Variants in CYBRD1 observed in about 807,000 individuals in gnomAD.
CYBRD1 encodes cytochrome b reductase 1.
In CYBRD1, 14 loss-of-function variants were observed where a neutral mutation model predicts 21.9. That is an observed-to-expected ratio of 0.64 (90% CI 0.42 to 1.00). The LOEUF (loss-of-function observed/expected upper bound fraction) is 1.00. Among genes scored for constraint, CYBRD1 ranks in the 50% least tolerant of loss-of-function variants. CYBRD1 has a pLI of 0.00. For synonymous variants in CYBRD1, 146 were observed against 136.5 expected, an observed-to-expected ratio of 1.07 and a Z score of -0.48; for missense variants, 328 against 352.5, an observed-to-expected ratio of 0.93 and a Z score of 0.56.
At chr2:171,523,254 G>A (rs1202924263) in intron 1 of CYBRD1, 5 of 431,466 alleles carry the variant, frequency 1.2e-5, no homozygotes, top group African/African-American at 2.1e-5. Flanking sequence ...GGGGAAGGCA[G>A]CGGGGAAAAG....
chr2:171,541,380 G>C (rs1480663517), intron 1 of CYBRD1, among the ~76,000 whole-genome samples: 2 of 152,170 alleles, frequency 1.3e-5, no homozygotes, highest in Admixed American at 6.5e-5. Flanking sequence ...CAAGTTGGGA[G>C]TGAAGAAAAT....
At chr2:171,535,893 A>T (rs1462459923) in intron 1 of CYBRD1, among the ~76,000 whole-genome samples, 1 of 152,062 alleles carries the variant, frequency 6.6e-6, no homozygotes, top group Non-Finnish European at 1.5e-5. Context: ...ACCCACTTTG[A>T]CTTCCCAAAG....
chr2:171,545,295 AG>A (rs1307737692), intron 2 of CYBRD1, among the ~76,000 whole-genome samples: 39 of 152,044 alleles, frequency 2.6e-4, no homozygotes, highest in African/African-American at 9.2e-4. Flanking sequence ...GTTTGTGCAA[AG>A]GTTTTGTTTT....
chr2:171,550,122 T>C (rs545875095), intron 2 of CYBRD1, among the ~76,000 whole-genome samples: 8 of 152,248 alleles, frequency 5.3e-5, no homozygotes, highest in African/African-American at 1.9e-4. Flanking sequence ...GTTGTTGTTT[T>C]TGTTCTTGAG....
rs558737857 is a variant in CYBRD1, at chr2:171,553,627, A to C, written c.557+127A>C. 1.9e-5 allele frequency: 16 copies of C among 832,498 alleles called. 1 individual carries two copies. The South Asian group carries it at 5.4e-4, about 28-fold the overall frequency. 51.6% of individuals were successfully genotyped at this position (832,498 alleles called of 1,614,324 possible). A position where few individuals can be genotyped will look rare whatever the true frequency, so the allele number is the denominator to read the frequency against. ...ATTAAAATTAAAAAATATTTTAAAG[A>C]ATTTGTTATATCATATAGGTAATAT... On this transcript the variant is annotated intron_variant, in intron 3 of 3. Coordinates refer to ENST00000321348, the MANE Select transcript of CYBRD1 (RefSeq NM_024843.4).
chr2:171,530,829 A>G (rs923324105), intron 1 of CYBRD1, among the ~76,000 whole-genome samples: 7 of 152,196 alleles, frequency 4.6e-5, no homozygotes, highest in African/African-American at 1.7e-4. Context: ...TTCTGACTTG[A>G]CTTTGCAAGG....
Position 171,554,672 on chromosome 2 carries a change from C to T in CYBRD1, c.706C>T (p.His236Tyr), listed in dbSNP as rs773902943. 3 of 1,614,074 alleles carry T rather than the reference C, an allele frequency of 1.9e-6. No homozygotes were observed. Among genetic ancestry groups the T allele is most frequent in the South Asian group, 1.1e-5 (1 of 91,086 alleles). ...TAAGGAGCCAAATTCTACCATTCTT[C>T]ATCCAAATGGAGGCACTGAACAGGG... ...RPKEPNSTIL[H>Y]PNGGTEQGAR... The change falls in exon 4 of 4, where the codon CAT (histidine) becomes TAT (tyrosine). Residue 236 changes from histidine to tyrosine, a missense_variant. Physicochemically the swap from His to Tyr is moderately conservative, Grantham distance 83. Coordinates refer to ENST00000321348, the MANE Select transcript of CYBRD1 (RefSeq NM_024843.4).
intron 2 of CYBRD1, among the ~76,000 whole-genome samples, chr2:171,544,376 C>T (rs1697679912): frequency 6.6e-6 from 1 of 151,916 alleles, no homozygotes; most frequent in Non-Finnish European, 1.5e-5. Flanking sequence ...TCATCTTTTC[C>T]TCTGAGACTA....
chr2:171,533,806 C>T (rs1240996856), intron 1 of CYBRD1, among the ~76,000 whole-genome samples: 17 of 140,720 alleles, frequency 1.2e-4, no homozygotes, highest in African/African-American at 4.5e-4. Flanking sequence ...AACTCCAGCT[C>T]TGTTGCCCAG....
chr2:171,543,629 TTAAA>T (rs1697668959), intron 2 of CYBRD1, among the ~76,000 whole-genome samples: 1 of 152,222 alleles, frequency 6.6e-6, no homozygotes, highest in Admixed American at 6.5e-5. Context: ...AGATGTTTAA[TTAAA>T]TAATATTGAT....
intron 2 of CYBRD1, among the ~76,000 whole-genome samples, chr2:171,551,436 C>G (rs1683374523): frequency 6.6e-6 from 1 of 151,856 alleles, no homozygotes; most frequent in Non-Finnish European, 1.5e-5. Context: ...GCAAACCAAC[C>G]TATCAAATGC....
chr2:171,542,945 T>C (rs766449174), intron 2 of CYBRD1, among the ~76,000 whole-genome samples: 28 of 152,182 alleles, frequency 1.8e-4, no homozygotes, highest in Non-Finnish European at 3.5e-4. Flanking sequence ...GAATATAGGC[T>C]TAAATGCTTT....
chr2:171,523,544 A>G (rs533211384), intron 1 of CYBRD1, among the ~76,000 whole-genome samples: 1 of 152,262 alleles, frequency 6.6e-6, no homozygotes, highest in South Asian at 2.1e-4. Flanking sequence ...CGGGTGGGAG[A>G]TGCCCGGAGA....
At chr2:171,541,169 C>T (rs150189769) in intron 1 of CYBRD1, 6 of 217,096 alleles carry the variant, frequency 2.8e-5, no homozygotes, top group South Asian at 7.6e-5. Flanking sequence ...AAGCAAACGC[C>T]GTACGGAAAT....
chr2:171,525,980 G>A (rs1697380293), intron 1 of CYBRD1, among the ~76,000 whole-genome samples: 1 of 146,376 alleles, frequency 6.8e-6, no homozygotes, highest in South Asian at 2.2e-4. Context: ...AAAGAAGTAG[G>A]CTCTGGCCGG....
rs969032146 is a variant in CYBRD1 at position 171,556,021 on chromosome 2, A to T, written c.*1194A>T. ...CTGTTTGCTGTGGCAGATTCCCCAG[A>T]TAACCAAGGAAAAGGGGCCACCCAT... On this transcript the variant is annotated 3_prime_UTR_variant, in exon 4 of 4. Coordinates refer to ENST00000321348, the MANE Select transcript of CYBRD1 (RefSeq NM_024843.4). 2 of 152,224 alleles carry T rather than the reference A, an allele frequency of 1.3e-5. No homozygotes were observed. The highest frequency in any genetic ancestry group is 2.9e-5 in the Non-Finnish European group (2 of 68,046). 9.4% of individuals were successfully genotyped at this position (152,224 alleles called of 1,614,324 possible). A position where few individuals can be genotyped will look rare whatever the true frequency, so the allele number is the denominator to read the frequency against.
At chr2:171,528,704 ATC>A (rs1382098647) in intron 1 of CYBRD1, among the ~76,000 whole-genome samples, 1 of 152,210 alleles carries the variant, frequency 6.6e-6, no homozygotes, top group Non-Finnish European at 1.5e-5. Flanking sequence ...AAATCCAAAT[ATC>A]TGTTTGCCTA....
At chr2:171,553,754 T>A (rs1470933534) in intron 3 of CYBRD1, among the ~76,000 whole-genome samples, 3 of 152,214 alleles carry the variant, frequency 2.0e-5, no homozygotes, top group Non-Finnish European at 4.4e-5. Context: ...CTTGTTGATA[T>A]GCATGTTTTT....
chr2:171,523,729 C>CCT (rs571708311), intron 1 of CYBRD1, among the ~76,000 whole-genome samples: 2 of 88,932 alleles, frequency 2.2e-5, no homozygotes, highest in African/African-American at 1.2e-4. Flanking sequence ...TTGTGTAGTG[C>CCT]CTCTCAATGT....
Sources: allele counts gnomAD v4.1 joint callset (sites outside exome capture counted in the v4.1 genomes callset), GRCh38; gene constraint gnomAD v4.1.1; transcripts MANE v1.5; gene names NCBI Gene and HGNC (gene_info 2026-07-23, HGNC 2026-07-21).